The following DIAPH2 variants were observed in gnomAD, a reference collection of about 807,000 sequenced individuals.
DIAPH2 encodes the protein protein diaphanous homolog 2.
A neutral mutation model predicts 92.7 loss-of-function variants in DIAPH2; 35 were observed. That is an observed-to-expected ratio of 0.38 (90% confidence interval 0.29 to 0.50). DIAPH2 has a LOEUF of 0.50. DIAPH2 is among the 20% of genes least tolerant of loss of function. DIAPH2 has a pLI of 0.94. For synonymous variants in DIAPH2, 301 were observed against 280.4 expected, an observed-to-expected ratio of 1.07 and a Z score of -0.73; for missense variants, 701 against 819.5, an observed-to-expected ratio of 0.86 and a Z score of 1.77.
intron 4 of DIAPH2, among the ~76,000 whole-genome samples, chrX:96,769,869 C>A (rs997771188): frequency 5.4e-5 from 6 of 111,924 alleles, no homozygotes; most frequent in Non-Finnish European, 1.1e-4. Context: ...TCCAGGCTGA[C>A]AATGAAGGTA....
intron 26 of DIAPH2, among the ~76,000 whole-genome samples, chrX:97,437,661 A>G (rs2147783349): frequency 9.1e-6 from 1 of 110,278 alleles, no homozygotes; most frequent in African/African-American, 3.3e-5. Context: ...TGACAAAAAC[A>G]TGTGATGGAG....
At chrX:96,861,911 G>A (rs1228559940) in intron 4 of DIAPH2, among the ~76,000 whole-genome samples, 2 of 111,561 alleles carry the variant, frequency 1.8e-5, no homozygotes, top group Non-Finnish European at 3.8e-5. Context: ...ATCTTCCACG[G>A]TGCTGTGCCC....
intron 1 of DIAPH2, among the ~76,000 whole-genome samples, chrX:96,685,775 G>T (rs2063767852): frequency 8.9e-6 from 1 of 111,919 alleles, no homozygotes. Flanking sequence ...TCTTTGGAAG[G>T]GTGGGGGCGC....
intron 5 of DIAPH2, among the ~76,000 whole-genome samples, chrX:96,898,945 G>A (rs1207826241): frequency 9.2e-6 from 1 of 108,494 alleles, no homozygotes; most frequent in Non-Finnish European, 1.9e-5. Context: ...TTCTACATAT[G>A]GCTAACCAGT....
intron 22 of DIAPH2, among the ~76,000 whole-genome samples, chrX:97,200,311 G>A (rs187321851): frequency 1.4e-3 from 160 of 111,972 alleles, no homozygotes; most frequent in African/African-American, 5.0e-3. Context: ...TTTGTACCCC[G>A]GCGGTGCCTG....
At chrX:96,998,785 A>T (rs1352261070) in intron 17 of DIAPH2, among the ~76,000 whole-genome samples, 2 of 111,715 alleles carry the variant, frequency 1.8e-5, no homozygotes, top group African/African-American at 6.5e-5. Context: ...AAACTCACTT[A>T]AACCACTTCG....
At chrX:97,466,961 G>A (rs2070518054) in intron 26 of DIAPH2, among the ~76,000 whole-genome samples, 1 of 112,205 alleles carries the variant, frequency 8.9e-6, no homozygotes, top group Non-Finnish European at 1.9e-5. Context: ...GAAGTGAAAA[G>A]TATTGTGTAT....
chrX:97,450,937 A>C (rs1001926008), intron 26 of DIAPH2, among the ~76,000 whole-genome samples: 6 of 107,933 alleles, frequency 5.6e-5, no homozygotes, highest in Admixed American at 1.0e-4. Context: ...TTAAGAAGTG[A>C]AAACTTCTAG....
intron 4 of DIAPH2, among the ~76,000 whole-genome samples, chrX:96,778,441 T>G (rs898099306): frequency 2.3e-4 from 26 of 110,950 alleles, no homozygotes; most frequent in African/African-American, 8.2e-4. Context: ...TTTCTGAGCC[T>G]TAGTTGCCTA....
At chrX:96,876,520 A>G (rs763372704) in intron 4 of DIAPH2, among the ~76,000 whole-genome samples, 1 of 112,184 alleles carries the variant, frequency 8.9e-6, no homozygotes, top group South Asian at 3.7e-4. Context: ...CACATGTCCA[A>G]CAATCATAGA....
intron 17 of DIAPH2, among the ~76,000 whole-genome samples, chrX:96,984,959 A>G (rs967832286): frequency 4.5e-5 from 5 of 111,492 alleles, no homozygotes; most frequent in African/African-American, 1.6e-4. Flanking sequence ...TATAGGGGAG[A>G]TAACTGGGTC....
chrX:97,344,800 T>C (rs2147684991), intron 23 of DIAPH2, among the ~76,000 whole-genome samples: 1 of 112,612 alleles, frequency 8.9e-6, no homozygotes, highest in East Asian at 2.8e-4. Flanking sequence ...TGAAAAATTG[T>C]GTTATGATAA....
intron 26 of DIAPH2, among the ~76,000 whole-genome samples, chrX:97,473,939 G>A (rs1334137023): frequency 4.5e-5 from 5 of 112,327 alleles, no homozygotes; most frequent in Admixed American, 9.4e-5. Flanking sequence ...TAGCCTAGGC[G>A]GCAAAGGGAG....
intron 17 of DIAPH2, among the ~76,000 whole-genome samples, chrX:96,993,858 T>G (rs2147850547): frequency 8.9e-6 from 1 of 111,854 alleles, no homozygotes; most frequent in Non-Finnish European, 1.9e-5. Flanking sequence ...ATGTAGATTT[T>G]TATTTCCAAA....
intron 15 of DIAPH2, among the ~76,000 whole-genome samples, chrX:96,954,900 C>A (rs911718035): frequency 2.1e-4 from 24 of 112,501 alleles, no homozygotes; most frequent in African/African-American, 6.8e-4. Context: ...CTAATTAGCC[C>A]CCAAGGGAAT....
At chrX:96,888,610 T>G (rs1339807615) in intron 5 of DIAPH2, among the ~76,000 whole-genome samples, 6 of 100,045 alleles carry the variant, frequency 6.0e-5, no homozygotes, top group Non-Finnish European at 1.0e-4. Flanking sequence ...TATATCTATA[T>G]ATATCTATAT....
At chrX:96,899,536 T>A (rs778794758) in intron 5 of DIAPH2, among the ~76,000 whole-genome samples, 1 of 110,998 alleles carries the variant, frequency 9.0e-6, no homozygotes, top group South Asian at 3.9e-4. Flanking sequence ...TTCGTCTGTT[T>A]TTGGTGTATA....
intron 22 of DIAPH2, among the ~76,000 whole-genome samples, chrX:97,152,600 G>A (rs2067293143): frequency 8.9e-6 from 1 of 112,022 alleles, no homozygotes; most frequent in Non-Finnish European, 1.9e-5. Context: ...GAAGGGTGGA[G>A]GGGTAGAAGG....
intron 9 of DIAPH2, among the ~76,000 whole-genome samples, chrX:96,928,610 AT>A (rs1465475514): frequency 8.1e-5 from 9 of 111,202 alleles, no homozygotes; most frequent in African/African-American, 2.9e-4. Flanking sequence ...AAAGAATATT[AT>A]TTTATCAGCT....
Sources: allele counts gnomAD v4.1 joint callset (sites outside exome capture counted in the v4.1 genomes callset), GRCh38; gene constraint gnomAD v4.1.1; transcripts MANE v1.5; gene names NCBI Gene and HGNC (gene_info 2026-07-23, HGNC 2026-07-21).